The following CERKL variants were observed in gnomAD, a reference collection of about 807,000 sequenced individuals.
CERKL encodes CERK like autophagy regulator.
CERKL carries 61 observed loss-of-function variants against 63.4 expected under a neutral mutation model. The observed-to-expected ratio is 0.96, with a 90% CI of 0.78 to 1.19. The LOEUF (loss-of-function observed/expected upper bound fraction) is 1.19, where lower values mean the gene tolerates loss of function less well. Ranked by LOEUF, CERKL falls within the 50% of genes most tolerant of loss-of-function variation. CERKL has a pLI of 0.00. For missense variants in CERKL, 675 were observed against 655.5 expected, an observed-to-expected ratio of 1.03 and a Z score of -0.33; for synonymous variants, 250 against 230.5, an observed-to-expected ratio of 1.08 and a Z score of -0.77.
chr2:181,585,274 C>T (rs147942246), intron 2 of CERKL, among the ~76,000 whole-genome samples: 1,665 of 152,180 alleles, frequency 0.011, 13 homozygotes, highest in Non-Finnish European at 0.017. Context: ...AGAATAGTGT[C>T]TGGCACACAG....
chr2:181,654,594 T>C (rs555152777), intron 1 of CERKL, among the ~76,000 whole-genome samples: 18 of 152,138 alleles, frequency 1.2e-4, no homozygotes, highest in Non-Finnish European at 1.9e-4. Flanking sequence ...CAACCAGCAA[T>C]GGACATGCTC....
At chr2:181,609,521 C>A (rs1201784555) in intron 1 of CERKL, among the ~76,000 whole-genome samples, 6 of 100,576 alleles carry the variant, frequency 6.0e-5, no homozygotes, top group Admixed American at 3.5e-4. Flanking sequence ...CATGGTGAAA[C>A]CCTGTCTCTA....
At chr2:181,642,743 T>A (rs28416292) in intron 1 of CERKL, among the ~76,000 whole-genome samples, 38,379 of 152,008 alleles carry the variant, frequency 0.25, 6,873 homozygotes, top group African/African-American at 0.51. Context: ...TTATTTTTTT[T>A]AAAATCTTTG....
intron 4 of CERKL, among the ~76,000 whole-genome samples, chr2:181,564,746 C>A (rs960274648): frequency 6.6e-5 from 10 of 152,134 alleles, no homozygotes; most frequent in African/African-American, 2.4e-4. Context: ...TACTCATTTG[C>A]AATGCAGCTA....
At position 181,560,767 on chromosome 2, in the gene CERKL, T is replaced by C. The variant is rs529528267; in HGVS notation, c.678-2059A>G. On this transcript the variant is annotated intron_variant, in intron 4 of 12. Transcript: ENST00000410087. Reference sequence around the variant, plus strand: ...CAATATATTAGATACCTTTTCTATATATGAAACCTAATAAAAATAGCCTTA... The same window carrying C: ...CAATATATTAGATACCTTTTCTATACATGAAACCTAATAAAAATAGCCTTA... 8.5e-5 allele frequency among the ~76,000 whole-genome samples: 13 copies of C among 152,246 alleles called. No homozygotes were observed. The South Asian group carries it at 1.9e-3, about 22-fold the overall frequency.
Position 181,657,022 on chromosome 2 carries a change from T to G in CERKL, c.-16A>C. 6.4e-7 allele frequency: 1 copy of G among 1,570,026 alleles called. No homozygotes were observed. The highest frequency in any genetic ancestry group is 8.6e-7 in the Non-Finnish European group (1 of 1,163,080). On this transcript the variant is annotated 5_prime_UTR_variant, in exon 1 of 13. Transcript: ENST00000410087. The stretch of plus-strand genomic sequence containing the variant: ...TCCAGGGCATGGCGGAGTCGCAGGC[T>G]GGGCCCGAGCCAGGGGTCCGGGGAG...
At chr2:181,592,841 T>C (rs945875395) in intron 2 of CERKL, among the ~76,000 whole-genome samples, 1 of 152,180 alleles carries the variant, frequency 6.6e-6, no homozygotes, top group Non-Finnish European at 1.5e-5. Flanking sequence ...GTACATTCCA[T>C]GACACACCAA....
At chr2:181,592,807 C>T (rs547182868) in intron 2 of CERKL, among the ~76,000 whole-genome samples, 7 of 152,244 alleles carry the variant, frequency 4.6e-5, no homozygotes, top group African/African-American at 1.4e-4. Context: ...TGAAAATTAA[C>T]ATCTGTTGGT....
In CERKL at chr2:181,537,025, G is replaced by T. The variant is rs1047307; in HGVS notation, c.*1159C>A. ...GCAGTGATGGTGAGGAATGTTCTGA[G>T]ATTTGCGAAGGCATTTGAGTAGTGA... On this transcript the variant is annotated 3_prime_UTR_variant, in exon 13 of 13. Coordinates refer to ENST00000410087, the MANE Select transcript of CERKL (RefSeq NM_201548.5). 2.2e-6 allele frequency: 1 copy of T among 444,614 alleles called. No homozygotes were observed. The highest frequency in any genetic ancestry group is 2.4e-5 in the Admixed American group (1 of 41,490). The allele number at this position is 444,614 out of a possible 1,614,324, so 27.5% of individuals were successfully genotyped here.
intron 1 of CERKL, chr2:181,649,506 AAC>A (rs905571995): frequency 6.6e-6 from 1 of 152,196 alleles, no homozygotes; most frequent in African/African-American, 2.4e-5. Flanking sequence ...TACATACACA[AAC>A]ACACACAGAG....
intron 2 of CERKL, among the ~76,000 whole-genome samples, chr2:181,596,222 C>T (rs1685203289): frequency 6.6e-6 from 1 of 152,202 alleles, no homozygotes; most frequent in African/African-American, 2.4e-5. Context: ...CTTCTTAACT[C>T]TTATTCTCAG....
At chr2:181,577,390 T>C (rs995123549) in intron 2 of CERKL, among the ~76,000 whole-genome samples, 1 of 151,998 alleles carries the variant, frequency 6.6e-6, no homozygotes, top group Non-Finnish European at 1.5e-5. Context: ...GGAATTATGG[T>C]CTCAAAATTT....
At chr2:181,578,657 T>C (rs1684367543) in intron 2 of CERKL, among the ~76,000 whole-genome samples, 1 of 152,056 alleles carries the variant, frequency 6.6e-6, no homozygotes, top group Admixed American at 6.5e-5. Context: ...GCTTTTCACA[T>C]AGACAGCAGC....
At position 181,537,061 on chromosome 2, in the gene CERKL, C is replaced by CA. The variant is rs781140174; in HGVS notation, c.*1122dup. 2.5e-5 allele frequency: 11 copies of CA among 444,312 alleles called. No individual in the cohort carries two copies. The highest frequency in any genetic ancestry group is 4.1e-5 in the Non-Finnish European group (9 of 221,680). 27.5% of individuals were successfully genotyped at this position (444,312 alleles called of 1,614,324 possible). A position where few individuals can be genotyped will look rare whatever the true frequency, so the allele number is the denominator to read the frequency against. On this transcript the variant is annotated 3_prime_UTR_variant, in exon 13 of 13. Coordinates refer to ENST00000410087, the MANE Select transcript of CERKL (RefSeq NM_201548.5). ...GCATTTGAGTAGTGAAATGTAAGCA[C>CA]AAAACCTCCTGAACCCAGAGTGTGT...
Position 181,656,925 on chromosome 2 carries a change from C to T in CERKL, c.82G>A (p.Val28Met). ...EEEAPPEAAAVPPALLTSPQQ... is the reference protein window; with the variant it reads ...EEEAPPEAAAMPPALLTSPQQ... Reference sequence around the variant, plus strand: ...GGGGACGTTAACAGCGCCGGAGGCACAGCGGCAGCCTCCGGGGGCGCCTCT... The same window carrying T: ...GGGGACGTTAACAGCGCCGGAGGCATAGCGGCAGCCTCCGGGGGCGCCTCT... Residue 28 changes from valine (V) to methionine (M), a missense_variant, in exon 1 of 13, where the codon GTG becomes ATG. Physicochemically the swap from Val to Met is conservative, Grantham distance 21 (BLOSUM62 1). Transcript: ENST00000410087. 1 of 1,595,100 alleles carries T rather than the reference C, an allele frequency of 6.3e-7. No individual in the cohort carries two copies. Among genetic ancestry groups the T allele is most frequent in the Non-Finnish European group, 8.5e-7 (1 of 1,169,626 alleles).
chr2:181,560,326 A>G (rs1169558175), intron 4 of CERKL, among the ~76,000 whole-genome samples: 3 of 152,164 alleles, frequency 2.0e-5, no homozygotes, highest in Non-Finnish European at 2.9e-5. Context: ...GGATGCGAAC[A>G]CTTAACTCCT....
intron 2 of CERKL, among the ~76,000 whole-genome samples, chr2:181,584,945 A>T (rs149174341): frequency 0.011 from 1,715 of 151,636 alleles, 10 homozygotes; most frequent in Non-Finnish European, 0.018. Context: ...CTCCACTTGA[A>T]CATGACTTTC....
At chr2:181,571,417 ACAATT>A (rs1490281900) in intron 3 of CERKL, among the ~76,000 whole-genome samples, 3 of 152,162 alleles carry the variant, frequency 2.0e-5, no homozygotes, top group African/African-American at 7.2e-5. Flanking sequence ...TGTCTCCAAT[ACAATT>A]AAGAAGGAAA....
At chr2:181,574,145 A>C (rs1229454202) in intron 2 of CERKL, among the ~76,000 whole-genome samples, 1 of 152,242 alleles carries the variant, frequency 6.6e-6, no homozygotes, top group Non-Finnish European at 1.5e-5. Flanking sequence ...ATGCAAAAAA[A>C]AGAGGCAACT....
Sources: gnomAD v4.1 joint callset for allele counts (sites outside exome capture counted in the v4.1 genomes callset) on GRCh38, gnomAD v4.1.1 for gene constraint, MANE v1.5 for transcripts, NCBI Gene and HGNC (gene_info 2026-07-23, HGNC 2026-07-21) for gene names.